The following RPS6KA3 variants were observed in gnomAD, a reference collection of about 807,000 sequenced individuals.
RPS6KA3 encodes ribosomal protein S6 kinase alpha-3.
RPS6KA3 carries 4 observed loss-of-function variants against 67.2 expected under a neutral mutation model. The ratio of observed to expected loss-of-function variants is 0.06; its 90% confidence interval spans 0.03 to 0.14. The LOEUF is 0.14. Ranked by LOEUF, RPS6KA3 falls within the 10% of genes least tolerant of loss-of-function variation. RPS6KA3 has a pLI of 1.00. For missense variants in RPS6KA3, 204 were observed against 559.0 expected, an observed-to-expected ratio of 0.36 and a Z score of 6.40; for synonymous variants, 182 against 183.7, an observed-to-expected ratio of 0.99 and a Z score of 0.07.
chrX:20,195,157 T>C lies in RPS6KA3; in HGVS notation c.326-12A>G. 1.9e-6 allele frequency: 2 copies of C among 1,045,626 alleles called. No homozygotes were observed. The highest frequency in any genetic ancestry group is 2.7e-6 in the Non-Finnish European group (2 of 744,672). 86.2% of individuals were successfully genotyped at this position (1,045,626 alleles called of 1,213,427 possible). On this transcript the variant is annotated splice_polypyrimidine_tract_variant and intron_variant, in intron 4 of 21. Transcript: ENST00000379565. The stretch of plus-strand genomic sequence containing the variant: ...AACTCGGTCTCGAACTATAAAAGAT[T>C]GTATGTATGCTACATTGTAATATCT...
At chrX:20,162,165 G>A (rs1364187852) in intron 19 of RPS6KA3, among the ~76,000 whole-genome samples, 1 of 108,388 alleles carries the variant, frequency 9.2e-6, no homozygotes, top group East Asian at 2.9e-4. Flanking sequence ...ATGAAACATT[G>A]TCTCAACTAA....
intron 10 of RPS6KA3, 78 bp from the exon 11 acceptor site, chrX:20,177,162 T>C: frequency 1.4e-6 from 1 of 693,064 alleles, no homozygotes; most frequent in Non-Finnish European, 2.3e-6. Context: ...TAAATTAAAC[T>C]TTTTGAGATA....
At position 20,228,525 on chromosome X, in the gene RPS6KA3, G is replaced by A. The variant is rs73447141; in HGVS notation, c.126+6233C>T. On this transcript the variant is annotated intron_variant, in intron 2 of 21. Transcript: ENST00000379565. Reference sequence around the variant, plus strand: ...TACCCTACTTCTTCCTGTGTCCAAGGTGCCCAAGTATACAGCTTCTCTGGT... The same window carrying A: ...TACCCTACTTCTTCCTGTGTCCAAGATGCCCAAGTATACAGCTTCTCTGGT... 1.3e-3 allele frequency among the ~76,000 whole-genome samples: 148 copies of A among 111,146 alleles called. 1 individual carries two copies. The highest frequency in any genetic ancestry group is 4.6e-3 in the Middle Eastern group (1 of 216).
At chrX:20,257,508 A>G (rs996047242) in intron 1 of RPS6KA3, among the ~76,000 whole-genome samples, 1 of 112,372 alleles carries the variant, frequency 8.9e-6, no homozygotes, top group Non-Finnish European at 1.9e-5. Flanking sequence ...CTTTGTTAAC[A>G]TATCACCTGC....
intron 2 of RPS6KA3, among the ~76,000 whole-genome samples, chrX:20,217,975 TCTTTAAGAGAG>T (rs2068897515): frequency 8.9e-6 from 1 of 112,172 alleles, no homozygotes; most frequent in African/African-American, 3.2e-5. Context: ...TTAACCAAAT[TCTTTAAGAGAG>T]CTTTAAGCTC....
chrX:20,209,515 C>G lies in RPS6KA3; in HGVS notation c.127-111G>C, dbSNP rs191532478. 43 of 493,347 alleles carry G rather than the reference C, an allele frequency of 8.7e-5. No homozygotes were observed. The African/African-American group carries it at 8.8e-4, about 10-fold the overall frequency. 40.7% of individuals were successfully genotyped at this position (493,347 alleles called of 1,213,427 possible). ...TACTAGAAATTAATTAGAAATCAAT[C>G]TAATTTCTAAACATATTAGAAATCC... On this transcript the variant is annotated intron_variant, in intron 2 of 21. Transcript: ENST00000379565.
At chrX:20,198,025 A>T (rs2068319661) in intron 4 of RPS6KA3, among the ~76,000 whole-genome samples, 1 of 112,284 alleles carries the variant, frequency 8.9e-6, no homozygotes, top group Admixed American at 9.5e-5. Context: ...AGACAAACAG[A>T]CCACTTTAAT....
chrX:20,208,967 T>C (rs749217872), intron 3 of RPS6KA3, among the ~76,000 whole-genome samples: 9 of 111,020 alleles, frequency 8.1e-5, no homozygotes, highest in African/African-American at 2.6e-4. Flanking sequence ...CTTCCAACCC[T>C]ACCCAAGGAC....
At chrX:20,266,280 T>C (rs954693381) in intron 1 of RPS6KA3, among the ~76,000 whole-genome samples, 40 of 107,775 alleles carry the variant, frequency 3.7e-4, no homozygotes, top group Admixed American at 6.8e-4. Flanking sequence ...CCACGCAAAG[T>C]TGATTAAAAT....
chrX:20,245,990 T>C (rs2069676062), intron 1 of RPS6KA3, among the ~76,000 whole-genome samples: 1 of 109,925 alleles, frequency 9.1e-6, no homozygotes, highest in South Asian at 3.9e-4. Context: ...TGCTGGTGCA[T>C]GCTTGTAATC....
At chrX:20,252,498 C>T (rs759807274) in intron 1 of RPS6KA3, among the ~76,000 whole-genome samples, 15 of 109,970 alleles carry the variant, frequency 1.4e-4, no homozygotes, top group Non-Finnish European at 2.5e-4. Context: ...ACCAACATCA[C>T]CCAGGCAAAA....
intron 20 of RPS6KA3, among the ~76,000 whole-genome samples, 165 bp from the exon 21 acceptor site, chrX:20,156,414 T>C (rs1004298385): frequency 1.8e-5 from 2 of 111,732 alleles, no homozygotes; most frequent in African/African-American, 3.3e-5. Context: ...CAGTCTCCGC[T>C]TTTTCCCTGC....
intron 4 of RPS6KA3, among the ~76,000 whole-genome samples, chrX:20,199,376 C>T (rs1005797006): frequency 4.7e-4 from 52 of 111,028 alleles, no homozygotes; most frequent in African/African-American, 1.6e-3. Flanking sequence ...TTGACACTTT[C>T]CATAATTGAA....
In RPS6KA3 at chrX:20,207,714, G is replaced by A. The variant is rs151062852; in HGVS notation, c.243+1574C>T. Among the ~76,000 whole-genome samples the A allele has an allele frequency of 5.2e-3, 583 of 111,716 alleles. 1 individual carries two copies. The highest frequency in any genetic ancestry group is 9.2e-3 in the Non-Finnish European group (487 of 53,088). ...AAGAAAAAAAATTGAATTGAAGTCC[G>A]GCTGACCTAGAGCCCAAACTTACAA... On this transcript the variant is annotated intron_variant, in intron 3 of 21. Transcript: ENST00000379565.
chrX:20,240,048 T>C (rs767380171), intron 1 of RPS6KA3, among the ~76,000 whole-genome samples: 40 of 110,215 alleles, frequency 3.6e-4, no homozygotes, highest in African/African-American at 1.2e-3. Context: ...CATGTATAAG[T>C]ATGCTAGGAC....
chrX:20,197,734 T>C (rs1427093353), intron 4 of RPS6KA3, among the ~76,000 whole-genome samples: 1 of 111,946 alleles, frequency 8.9e-6, no homozygotes, highest in East Asian at 2.8e-4. Flanking sequence ...TGTAAAGACC[T>C]AGTGACAATT....
At chrX:20,260,295 A>G (rs181932997) in intron 1 of RPS6KA3, among the ~76,000 whole-genome samples, 2 of 112,124 alleles carry the variant, frequency 1.8e-5, no homozygotes, top group African/African-American at 6.5e-5. Flanking sequence ...AAAAGATACA[A>G]TCAAGTGTAA....
chrX:20,187,529 TACTA>T (rs1024210018), intron 9 of RPS6KA3, among the ~76,000 whole-genome samples: 1 of 111,861 alleles, frequency 8.9e-6, no homozygotes, highest in Non-Finnish European at 1.9e-5. Flanking sequence ...AAGGGTCACT[TACTA>T]ACAGATTTCT....
intron 2 of RPS6KA3, among the ~76,000 whole-genome samples, chrX:20,221,327 T>C (rs1331177635): frequency 1.8e-5 from 2 of 112,163 alleles, no homozygotes; most frequent in African/African-American, 6.5e-5. Context: ...CTCACTAAAG[T>C]TTTGTTTTAA....
Sources: gnomAD v4.1 joint callset for allele counts (sites outside exome capture counted in the v4.1 genomes callset) on GRCh38, gnomAD v4.1.1 for gene constraint, MANE v1.5 for transcripts, NCBI Gene and HGNC (gene_info 2026-07-23, HGNC 2026-07-21) for gene names.